The following ANKRD66 variants were observed in gnomAD, a reference collection of about 807,000 sequenced individuals.
The protein encoded by ANKRD66 is ankyrin repeat domain 66.
Under a neutral mutation model 10.9 loss-of-function variants are expected in ANKRD66, and 10 were observed. The observed-to-expected ratio is 0.91, with a 90% confidence interval of 0.56 to 1.55. The LOEUF is 1.55. Among genes scored for constraint, ANKRD66 ranks in the 40% most tolerant of loss-of-function variants. ANKRD66 has a pLI of 0.00. For synonymous variants in ANKRD66, 85 were observed against 88.4 expected (o/e 0.96, Z 0.22); for missense variants, 252 against 242.9 (o/e 1.04, Z -0.25).
rs1032852225 is a variant in ANKRD66 at position 46,759,371 on chromosome 6, T to A, written c.*450T>A. The stretch of plus-strand genomic sequence containing the variant: ...ATAAAAAATTGCATCCAAATTGAGA[T>A]GCAAAATACACATTAGATTTCAAAC... On this transcript the variant is annotated 3_prime_UTR_variant, in exon 5 of 5. Coordinates refer to ENST00000565422, the MANE Select transcript of ANKRD66 (RefSeq NM_001162435.3). The A allele has an allele frequency of 2.0e-5, 3 of 152,706 alleles. No individual in the cohort carries two copies. Among genetic ancestry groups the A allele is most frequent in the African/African-American group, 7.2e-5 (3 of 41,472 alleles). The allele number at this position is 152,706 out of a possible 1,614,324, so 9.5% of individuals were successfully genotyped here. A position where few individuals can be genotyped will look rare whatever the true frequency, so the allele number is the denominator to read the frequency against.
chr6:46,748,633 T>C (rs1247413230), intron 1 of ANKRD66, among the ~76,000 whole-genome samples: 3 of 152,184 alleles, frequency 2.0e-5, no homozygotes, highest in Non-Finnish European at 4.4e-5. Flanking sequence ...GTACAGAGCA[T>C]CTACTTCACA....
intron 3 of ANKRD66, among the ~76,000 whole-genome samples, chr6:46,752,713 G>A (rs1413237582): frequency 6.6e-6 from 1 of 152,188 alleles, no homozygotes; most frequent in Non-Finnish European, 1.5e-5. Flanking sequence ...CTTACAGTCT[G>A]CTCTCAGTTA....
At chr6:46,755,003 C>A (rs557880606) in intron 4 of ANKRD66, among the ~76,000 whole-genome samples, 1 of 152,322 alleles carries the variant, frequency 6.6e-6, no homozygotes, top group East Asian at 1.9e-4. Flanking sequence ...GTGACCATAG[C>A]TCTCTTCACT....
chr6:46,750,210 A>C (rs1766239557), intron 2 of ANKRD66, among the ~76,000 whole-genome samples: 2 of 152,138 alleles, frequency 1.3e-5, no homozygotes, highest in South Asian at 4.1e-4. Flanking sequence ...TTTCGTTCTC[A>C]GAGCTTCTTT....
intron 2 of ANKRD66, 40 bp downstream of exon 2, chr6:46,750,019 A>T (rs1766233807): frequency 9.1e-7 from 1 of 1,093,370 alleles, no homozygotes; most frequent in Non-Finnish European, 1.4e-6. Flanking sequence ...CATTTCTAAC[A>T]AGTTCCCAGG....
At chr6:46,758,668 AG>A in intron 4 of ANKRD66, 54 bp from the exon 5 acceptor site, 11 of 1,466,000 alleles carry the variant, frequency 7.5e-6, no homozygotes, top group Non-Finnish European at 9.9e-6. Context: ...GCCGATTCCC[AG>A]GCTGGAACAG....
chr6:46,753,821 G>C lies in ANKRD66; in HGVS notation c.263G>C (p.Gly88Ala), dbSNP rs548265785. The C allele has an allele frequency of 5.2e-6, 8 of 1,551,684 alleles. No individual in the cohort carries two copies. The highest frequency in any genetic ancestry group is 4.1e-5 in the African/African-American group (3 of 73,150). The part of the protein sequence containing the change: ...WTPAHFAAEA[G>A]HLNILKTLHA... ...CCAGCTCATTTTGCAGCAGAAGCAG[G>C]CCATCTGAATATACTCAAAACTCTC... Residue 88 changes from glycine (G) to alanine (A), a missense_variant, in exon 4 of 5, where the codon GGC (glycine) becomes GCC (alanine). Physicochemically the swap from Gly to Ala is moderately conservative, Grantham distance 60. Coordinates refer to ENST00000565422, the MANE Select transcript of ANKRD66 (RefSeq NM_001162435.3).
At chr6:46,753,978 A>G in intron 4 of ANKRD66, 28 bp downstream of exon 4, 1 of 1,533,610 alleles carries the variant, frequency 6.5e-7, no homozygotes, top group Non-Finnish European at 8.8e-7. Flanking sequence ...CCACCTATAG[A>G]AGGAGCAGAG....
intron 4 of ANKRD66, chr6:46,757,292 T>A (rs755896384): frequency 3.3e-5 from 5 of 152,002 alleles, no homozygotes; most frequent in Admixed American, 6.6e-5. Flanking sequence ...AGGCACCAAC[T>A]TGGAAATGTG....
rs572262845 is a variant in ANKRD66 at position 46,759,138 on chromosome 6, T to C, written c.*217T>C. On this transcript the variant is annotated 3_prime_UTR_variant, in exon 5 of 5. Coordinates refer to ENST00000565422, the MANE Select transcript of ANKRD66 (RefSeq NM_001162435.3). ...CGGGAAAGGACAAAACCTGCTTGCA[T>C]TTTGTCATCAGTGGTTTGCACAGTC... 7.4e-5 allele frequency: 29 copies of C among 392,932 alleles called. No individual in the cohort carries two copies. The highest frequency in any genetic ancestry group is 7.0e-4 in the Admixed American group (17 of 24,176). 24.3% of individuals were successfully genotyped at this position (392,932 alleles called of 1,614,324 possible). A position where few individuals can be genotyped will look rare whatever the true frequency, so the allele number is the denominator to read the frequency against.
At chr6:46,757,331 G>A (rs1021591918) in intron 4 of ANKRD66, 2 of 152,198 alleles carry the variant, frequency 1.3e-5, no homozygotes, top group African/African-American at 4.8e-5. Context: ...GTGAGAAGGT[G>A]AGGGATAGTG....
At chr6:46,751,335 G>T (rs1162729864) in intron 2 of ANKRD66, among the ~76,000 whole-genome samples, 2 of 152,164 alleles carry the variant, frequency 1.3e-5, no homozygotes, top group Non-Finnish European at 2.9e-5. Context: ...GATTTCTGAA[G>T]GTCTATAGAC....
chr6:46,756,857 G>A (rs1766395062), intron 4 of ANKRD66: 2 of 152,068 alleles, frequency 1.3e-5, no homozygotes, highest in African/African-American at 2.4e-5. Flanking sequence ...CTTTTAAAAT[G>A]TGCTTTTTCT....
intron 4 of ANKRD66, chr6:46,756,270 T>G (rs1489896523): frequency 4.7e-6 from 1 of 214,782 alleles, no homozygotes; most frequent in African/African-American, 2.4e-5. Context: ...GGGTTTGTTA[T>G]TTCATTTTCA....
At chr6:46,748,581 A>T (rs931434058) in intron 1 of ANKRD66, among the ~76,000 whole-genome samples, 1 of 152,222 alleles carries the variant, frequency 6.6e-6, no homozygotes, top group African/African-American at 2.4e-5. Context: ...TTTGAAAGTA[A>T]AATGCAGTCT....
At chr6:46,748,188 G>A (rs1224897637) in intron 1 of ANKRD66, among the ~76,000 whole-genome samples, 1 of 152,168 alleles carries the variant, frequency 6.6e-6, no homozygotes, top group African/African-American at 2.4e-5. Context: ...ATTGGAATCA[G>A]GAAGTGTGAG....
Position 46,753,913 on chromosome 6 carries a change from A to G in ANKRD66, c.355A>G (p.Ile119Val). Reference sequence around the variant, plus strand: ...AGACACACCGAAGAGGATTGCACAGATCTATGGACAGAAAGCCTGTGTGGC... The same window carrying G: ...AGACACACCGAAGAGGATTGCACAGGTCTATGGACAGAAAGCCTGTGTGGC... ...FGDTPKRIAQ[I>V]YGQKACVAFL... Residue 119 changes from isoleucine to valine, a missense_variant, in exon 4 of 5, where the codon ATC (isoleucine) becomes GTC (valine). Coordinates refer to ENST00000565422, the MANE Select transcript of ANKRD66 (RefSeq NM_001162435.3). 6.4e-7 allele frequency: 1 copy of G among 1,551,512 alleles called. No homozygotes were observed. Among genetic ancestry groups the G allele is most frequent in the Non-Finnish European group, 8.7e-7 (1 of 1,146,954 alleles).
At chr6:46,758,035 G>A (rs1456234046) in intron 4 of ANKRD66, 1 of 152,128 alleles carries the variant, frequency 6.6e-6, no homozygotes, top group African/African-American at 2.4e-5. Context: ...TTTAATAATG[G>A]TTTGCACTTA....
Position 46,749,946 on chromosome 6 carries a change from G to GA in ANKRD66, c.-45dup, listed in dbSNP as rs1178865646. ...CACCTGGAGGGCTTACCACAACAAA[G>GA]ATGGCCGGACCCCTGCCCAGAGTTT... On this transcript the variant is annotated 5_prime_UTR_variant, in exon 2 of 5. It adds an upstream start codon to the 5' untranslated region. Transcript: ENST00000565422. 3.9e-6 allele frequency: 6 copies of GA among 1,537,558 alleles called. No homozygotes were observed. The African/African-American group carries it at 6.9e-5, about 18-fold the overall frequency.
Sources: gnomAD v4.1 joint callset for allele counts (sites outside exome capture counted in the v4.1 genomes callset) on GRCh38, gnomAD v4.1.1 for gene constraint, MANE v1.5 for transcripts, NCBI Gene and HGNC (gene_info 2026-07-23, HGNC 2026-07-21) for gene names.